SUGCT: variants seen among roughly 807,000 people sequenced by gnomAD.
The protein encoded by SUGCT is succinyl-CoA:glutarate CoA-transferase.
SUGCT carries 41 observed loss-of-function variants against 55.0 expected under a neutral mutation model. The observed-to-expected ratio is 0.74, with a 90% CI of 0.58 to 0.97. The LOEUF (loss-of-function observed/expected upper bound fraction) is 0.97, where lower values mean the gene tolerates loss of function less well. Ranked by LOEUF, SUGCT falls within the 50% of genes least tolerant of loss-of-function variation. SUGCT has a pLI of 0.00. For missense variants in SUGCT, 568 were observed against 547.8 expected (o/e 1.04, Z -0.37); for synonymous variants, 187 against 200.4 (o/e 0.93, Z 0.56).
intron 1 of SUGCT, among the ~76,000 whole-genome samples, chr7:40,147,477 G>A (rs1199439604): frequency 2.6e-5 from 4 of 152,154 alleles, no homozygotes; most frequent in African/African-American, 9.7e-5. Context: ...ATGCTTTACT[G>A]TCCCTGCGGT....
chr7:40,601,613 C>G (rs974288362), intron 12 of SUGCT, among the ~76,000 whole-genome samples: 1 of 152,186 alleles, frequency 6.6e-6, no homozygotes, highest in African/African-American at 2.4e-5. Flanking sequence ...AACAGCAGCT[C>G]TGCATGAGAA....
intron 6 of SUGCT, among the ~76,000 whole-genome samples, chr7:40,235,934 T>A (rs1788984792): frequency 6.6e-6 from 1 of 152,190 alleles, no homozygotes; most frequent in Non-Finnish European, 1.5e-5. Context: ...TAAAGCAGCA[T>A]ATGCAGGGAA....
At chr7:40,154,713 C>T (rs933103583) in intron 1 of SUGCT, among the ~76,000 whole-genome samples, 2 of 152,158 alleles carry the variant, frequency 1.3e-5, no homozygotes, top group African/African-American at 4.8e-5. Context: ...AACATAATTA[C>T]ATCTTAGGCC....
chr7:40,227,572 A>G (rs188310628), intron 6 of SUGCT, among the ~76,000 whole-genome samples: 64 of 152,194 alleles, frequency 4.2e-4, no homozygotes, highest in African/African-American at 1.4e-3. Context: ...TGGGCTCAAG[A>G]GATCCTCTTG....
At chr7:40,152,451 C>A in intron 1 of SUGCT, 1 of 180,518 alleles carries the variant, frequency 5.5e-6, no homozygotes, top group Non-Finnish European at 1.2e-5. Flanking sequence ...TTTGAGCAAA[C>A]AGCTGTGGAA....
intron 12 of SUGCT, among the ~76,000 whole-genome samples, chr7:40,648,893 C>T (rs1435092641): frequency 6.6e-6 from 1 of 152,186 alleles, no homozygotes; most frequent in African/African-American, 2.4e-5. Flanking sequence ...TGGGAGGATA[C>T]ATTTTTGTGT....
At chr7:40,763,714 G>A (rs1788647559) in intron 13 of SUGCT, among the ~76,000 whole-genome samples, 1 of 152,130 alleles carries the variant, frequency 6.6e-6, no homozygotes, top group Admixed American at 6.5e-5. Flanking sequence ...ATATGGAGGA[G>A]AACTGCCAGA....
At chr7:40,818,813 G>T (rs192448991) in intron 13 of SUGCT, among the ~76,000 whole-genome samples, 157 of 152,050 alleles carry the variant, frequency 1.0e-3, no homozygotes, top group Non-Finnish European at 1.6e-3. Context: ...CAACATGCAG[G>T]TTTGTTACAT....
At chr7:40,884,821 T>C in the SUGCT span, among the ~76,000 whole-genome samples, 1 of 152,182 alleles carries the variant, frequency 6.6e-6, no homozygotes, top group Non-Finnish European at 1.5e-5. Flanking sequence ...GTAGGACTTA[T>C]CGTTACTTTA....
intron 12 of SUGCT, among the ~76,000 whole-genome samples, chr7:40,539,962 T>C (rs192264109): frequency 2.8e-4 from 43 of 152,328 alleles, no homozygotes; most frequent in African/African-American, 9.1e-4. Context: ...GGGGAGTAGA[T>C]AACATTATCC....
chr7:41,006,013 A>C, the SUGCT span, among the ~76,000 whole-genome samples: 1 of 152,158 alleles, frequency 6.6e-6, no homozygotes, highest in Non-Finnish European at 1.5e-5. Context: ...AGCCCTCCTA[A>C]GATGTATTGA....
chr7:40,342,849 G>T (rs1797124885), intron 9 of SUGCT, among the ~76,000 whole-genome samples: 2 of 152,040 alleles, frequency 1.3e-5, no homozygotes, highest in Non-Finnish European at 2.9e-5. Context: ...CACCATGTTG[G>T]TCAGGCAGGT....
intron 12 of SUGCT, among the ~76,000 whole-genome samples, chr7:40,687,955 G>A (rs984129036): frequency 1.3e-5 from 2 of 152,042 alleles, no homozygotes; most frequent in African/African-American, 4.8e-5. Flanking sequence ...TGGAATTACA[G>A]GGCCCCCCAA....
At chr7:40,972,898 C>G in the SUGCT span, among the ~76,000 whole-genome samples, 1 of 152,218 alleles carries the variant, frequency 6.6e-6, no homozygotes, top group Non-Finnish European at 1.5e-5. Flanking sequence ...AAATTACCAT[C>G]TAGAAACTTG....
At chr7:40,466,317 G>T (rs1312625963) in intron 11 of SUGCT, among the ~76,000 whole-genome samples, 1 of 152,130 alleles carries the variant, frequency 6.6e-6, no homozygotes, top group Admixed American at 6.5e-5. Context: ...TTTTAATGTG[G>T]CCTAATCTTT....
the SUGCT span, among the ~76,000 whole-genome samples, chr7:40,951,443 G>GTC: frequency 1.3e-5 from 2 of 151,906 alleles, no homozygotes; most frequent in East Asian, 3.9e-4. Flanking sequence ...GGTTTTTTGT[G>GTC]TCTGTCTCCT....
chr7:40,553,335 G>T (rs537809997), intron 12 of SUGCT, among the ~76,000 whole-genome samples: 1 of 152,314 alleles, frequency 6.6e-6, no homozygotes, highest in Admixed American at 6.5e-5. Context: ...AGGGTCTTTA[G>T]TTAGGAAAAT....
chr7:40,772,384 C>T (rs186161886), intron 13 of SUGCT, among the ~76,000 whole-genome samples: 1 of 152,058 alleles, frequency 6.6e-6, no homozygotes, highest in Non-Finnish European at 1.5e-5. Context: ...AGACAGAGTT[C>T]CATGTTTGAG....
intron 6 of SUGCT, among the ~76,000 whole-genome samples, chr7:40,236,184 A>G (rs1483652291): frequency 2.0e-5 from 3 of 151,934 alleles, no homozygotes; most frequent in African/African-American, 4.8e-5. Flanking sequence ...CAGCCTCCCC[A>G]GTAGCTGGGA....
Sources: allele counts gnomAD v4.1 joint callset (sites outside exome capture counted in the v4.1 genomes callset), GRCh38; gene constraint gnomAD v4.1.1; transcripts MANE v1.5; gene names NCBI Gene and HGNC (gene_info 2026-07-23, HGNC 2026-07-21).